TTC33: variants seen among roughly 807,000 people sequenced by gnomAD.
The protein encoded by TTC33 is tetratricopeptide repeat protein 33.
Under a neutral mutation model 29.4 loss-of-function variants are expected in TTC33, and 24 were observed. That is an observed-to-expected ratio of 0.82 (90% CI 0.59 to 1.15). TTC33 has a LOEUF of 1.15. Ranked by LOEUF, TTC33 falls within the 50% of genes most tolerant of loss-of-function variation. TTC33 has a pLI of 0.00. For missense variants in TTC33, 286 were observed against 310.4 expected (o/e 0.92, Z 0.59); for synonymous variants, 107 against 100.3 (o/e 1.07, Z -0.40).
intron 2 of TTC33, among the ~76,000 whole-genome samples, chr5:40,740,807 T>A (rs1484583040): frequency 6.6e-6 from 1 of 152,198 alleles, no homozygotes; most frequent in African/African-American, 2.4e-5. Flanking sequence ...ATACAGTGAT[T>A]CCCCTAATGA....
intron 2 of TTC33, among the ~76,000 whole-genome samples, chr5:40,738,632 C>T (rs562549316): frequency 3.0e-4 from 45 of 148,498 alleles, no homozygotes; most frequent in African/African-American, 1.1e-3. Context: ...AGACAGTTTG[C>T]CAAAGAGGTA....
At chr5:40,717,046 CA>C (rs1193631377) in intron 4 of TTC33, among the ~76,000 whole-genome samples, 7 of 151,740 alleles carry the variant, frequency 4.6e-5, no homozygotes, top group Non-Finnish European at 7.4e-5. Flanking sequence ...CTGGCCAACA[CA>C]GTGAAACCCT....
At chr5:40,729,137 C>A (rs575955603) in intron 3 of TTC33, among the ~76,000 whole-genome samples, 47 of 152,236 alleles carry the variant, frequency 3.1e-4, no homozygotes, top group Admixed American at 5.9e-4. Context: ...TTAAACAAGT[C>A]TTCATAAAGC....
chr5:40,733,768 C>G (rs1213534379), intron 2 of TTC33, among the ~76,000 whole-genome samples: 1 of 152,176 alleles, frequency 6.6e-6, no homozygotes, highest in Non-Finnish European at 1.5e-5. Context: ...TCCCCAACCC[C>G]ACAAAGCTGC....
chr5:40,743,349 T>C (rs1742733303), intron 2 of TTC33, among the ~76,000 whole-genome samples: 1 of 152,232 alleles, frequency 6.6e-6, no homozygotes, highest in African/African-American at 2.4e-5. Flanking sequence ...AAGGCCCATC[T>C]GGCTAAAATG....
rs148465913 is a variant in TTC33 at position 40,721,821 on chromosome 5, C to T, written c.436-5323G>A. On this transcript the variant is annotated intron_variant, in intron 4 of 4. Coordinates refer to ENST00000337702, the MANE Select transcript of TTC33 (RefSeq NM_012382.3). ...AGTGAGATTACATCAAATTAAAAGG[C>T]TTCTGCACAACAAAGGAAACAACCA... 4.9e-3 allele frequency among the ~76,000 whole-genome samples: 753 copies of T among 152,208 alleles called. 5 individuals carry two copies. The highest frequency in any genetic ancestry group is 0.017 in the African/African-American group (717 of 41,518).
intron 1 of TTC33, among the ~76,000 whole-genome samples, chr5:40,751,777 T>C (rs1742899647): frequency 6.6e-6 from 1 of 152,054 alleles, no homozygotes; most frequent in African/African-American, 2.4e-5. Flanking sequence ...GCCAACATGG[T>C]GAAGCCCTGT....
At chr5:40,738,714 C>A (rs901034864) in intron 2 of TTC33, among the ~76,000 whole-genome samples, 1 of 152,048 alleles carries the variant, frequency 6.6e-6, no homozygotes, top group Non-Finnish European at 1.5e-5. Flanking sequence ...ACACTTGATA[C>A]TGTCAATCTT....
chr5:40,729,612 T>C (rs747657512), intron 3 of TTC33, among the ~76,000 whole-genome samples: 21 of 152,182 alleles, frequency 1.4e-4, no homozygotes, highest in Non-Finnish European at 2.6e-4. Flanking sequence ...AACTGAACTA[T>C]TTTGCTAAGT....
intron 1 of TTC33, among the ~76,000 whole-genome samples, chr5:40,747,408 T>C (rs1742817295): frequency 6.6e-6 from 1 of 151,982 alleles, no homozygotes; most frequent in South Asian, 2.1e-4. Context: ...AAAGAGGAAA[T>C]AACAGGATTA....
chr5:40,717,681 C>T lies in TTC33; in HGVS notation c.436-1183G>A, dbSNP rs148100852. ...GTAAAACTGCCCTCCAAGTGAGAAT[C>T]ATTGGTCTAAATCTATTATATGTTG... On this transcript the variant is annotated intron_variant, in intron 4 of 4. Transcript: ENST00000337702. 3.7e-4 allele frequency among the ~76,000 whole-genome samples: 57 copies of T among 152,326 alleles called. 1 individual carries two copies. The highest frequency in any genetic ancestry group is 1.3e-3 in the African/African-American group (55 of 41,588).
chr5:40,751,649 C>A (rs1459924046), intron 1 of TTC33, among the ~76,000 whole-genome samples: 1 of 152,142 alleles, frequency 6.6e-6, no homozygotes, highest in Non-Finnish European at 1.5e-5. Context: ...CCAATAGAAA[C>A]CTGTGTCATC....
rs138655172 is a variant in TTC33, at chr5:40,741,904, G to A, written c.221+4894C>T. Among the ~76,000 whole-genome samples the A allele has an allele frequency of 5.8e-3, 886 of 152,154 alleles. 3 individuals carry two copies. The highest frequency in any genetic ancestry group is 8.4e-3 in the Non-Finnish European group (568 of 67,998). On this transcript the variant is annotated intron_variant, in intron 2 of 4. Coordinates refer to ENST00000337702, the MANE Select transcript of TTC33 (RefSeq NM_012382.3). ...CTCAGGAGGCTGAGGCAGGAGAACC[G>A]CTTGAGCCTGGGAGACAGAGGTTAC...
chr5:40,716,415 C>T lies in TTC33; in HGVS notation c.519G>A (p.Thr173=), dbSNP rs765796436. Residue 173 remains threonine, a synonymous_variant, in exon 5 of 5, where the codon ACG becomes ACA. Coordinates refer to ENST00000337702, the MANE Select transcript of TTC33 (RefSeq NM_012382.3). ...IWKEDLSWAR[T]LQEQQKVAQR... ...GTGCTACCTTCTGCTGCTCCTGGAG[C>T]GTTCTTGCCCAAGAGAGGTCTTCTT... The T allele has an allele frequency of 9.9e-6, 16 of 1,613,708 alleles. No individual in the cohort carries two copies. In the East Asian group the frequency reaches 1.6e-4, roughly 16 times the overall value.
At chr5:40,751,684 C>T (rs963247988) in intron 1 of TTC33, among the ~76,000 whole-genome samples, 4 of 152,124 alleles carry the variant, frequency 2.6e-5, no homozygotes, top group African/African-American at 9.7e-5. Context: ...TATGGCCATG[C>T]GCAGTGGCTC....
chr5:40,713,085 T>C lies in TTC33; in HGVS notation c.*3060A>G, dbSNP rs897506247. Among the ~76,000 whole-genome samples, 5 of 152,124 alleles carry C rather than the reference T, an allele frequency of 3.3e-5. No homozygotes were observed. Among genetic ancestry groups the C allele is most frequent in the African/African-American group, 1.2e-4 (5 of 41,440 alleles). On this transcript the variant is annotated 3_prime_UTR_variant, in exon 5 of 5. Coordinates refer to ENST00000337702, the MANE Select transcript of TTC33 (RefSeq NM_012382.3). Reference sequence around the variant, plus strand: ...TTTATTATCAAATACATCAGTTTAATAATAATCTCTAAGGAAGAAAAAAAC... The same window carrying C: ...TTTATTATCAAATACATCAGTTTAACAATAATCTCTAAGGAAGAAAAAAAC...
rs249409 is a variant in TTC33, at chr5:40,719,340, C to T, written c.436-2842G>A. 1.1e-3 allele frequency among the ~76,000 whole-genome samples: 164 copies of T among 152,300 alleles called. 1 individual carries two copies. In the East Asian group the frequency reaches 0.026, roughly 25 times the overall value. On this transcript the variant is annotated intron_variant, in intron 4 of 4. Coordinates refer to ENST00000337702, the MANE Select transcript of TTC33 (RefSeq NM_012382.3). The stretch of plus-strand genomic sequence containing the variant: ...AGCCTTTTATGTCTGGTTTCTTTCA[C>T]TTAACATATTGTTTTTAAAGTTCAT...
chr5:40,714,013 A>T lies in TTC33; in HGVS notation c.*2132T>A, dbSNP rs1741949377. On this transcript the variant is annotated 3_prime_UTR_variant, in exon 5 of 5. Transcript: ENST00000337702. Reference sequence around the variant, plus strand: ...TCTTTTTCTCCTCTGTCTTATGTCTAAACTATTTTATGTCTTATATCTGGG... The same window carrying T: ...TCTTTTTCTCCTCTGTCTTATGTCTTAACTATTTTATGTCTTATATCTGGG... Among the ~76,000 whole-genome samples, 1 of 152,182 alleles carries T rather than the reference A, an allele frequency of 6.6e-6. No individual in the cohort carries two copies. Among genetic ancestry groups the T allele is most frequent in the African/African-American group, 2.4e-5 (1 of 41,456 alleles).
At position 40,714,216 on chromosome 5, in the gene TTC33, T is replaced by C. The variant is rs1304158887; in HGVS notation, c.*1929A>G. On this transcript the variant is annotated 3_prime_UTR_variant, in exon 5 of 5. Coordinates refer to ENST00000337702, the MANE Select transcript of TTC33 (RefSeq NM_012382.3). ...CTATAATACTGGAATCAGAGACTTC[T>C]TACTTTCAGATAAGGAAAGGATTAC... Among the ~76,000 whole-genome samples the C allele has an allele frequency of 6.6e-6, 1 of 152,192 alleles. No homozygotes were observed. The highest frequency in any genetic ancestry group is 2.4e-5 in the African/African-American group (1 of 41,450).
Sources: allele counts gnomAD v4.1 joint callset (sites outside exome capture counted in the v4.1 genomes callset), GRCh38; gene constraint gnomAD v4.1.1; transcripts MANE v1.5; gene names NCBI Gene and HGNC (gene_info 2026-07-23, HGNC 2026-07-21).